The following ASB18 variants were observed in gnomAD, a reference collection of about 807,000 sequenced individuals.
The protein encoded by ASB18 is ankyrin repeat and SOCS box containing 18.
Under a neutral mutation model 33.4 loss-of-function variants are expected in ASB18, and 33 were observed. The observed-to-expected ratio is 0.99, with a 90% CI of 0.75 to 1.32. The LOEUF is 1.32. Among genes scored for constraint, ASB18 ranks in the 40% most tolerant of loss-of-function variants. The pLI is 0.00. For synonymous variants in ASB18, 295 were observed against 307.6 expected (o/e 0.96, Z 0.43); for missense variants, 694 against 655.5 (o/e 1.06, Z -0.64).
chr2:236,221,380 C>A lies in ASB18; in HGVS notation c.597-6514G>T, dbSNP rs570183685. Among the ~76,000 whole-genome samples, 4 of 152,318 alleles carry A rather than the reference C, an allele frequency of 2.6e-5. No homozygotes were observed. In the East Asian group the frequency reaches 7.7e-4, roughly 29 times the overall value. On this transcript the variant is annotated intron_variant, in intron 3 of 5. Coordinates refer to ENST00000409749, the MANE Select transcript of ASB18 (RefSeq NM_212556.4). This position sits in a 1 kb window ranked among gnomAD's most constrained non-coding sequence, Gnocchi z 5.6. ...CTCATATGGTTTGGTTGTGTCCCCA[C>A]CCAAATCTCACCTTGAGTTTTACTC...
At chr2:236,206,191 T>G (rs11894606) in intron 4 of ASB18, among the ~76,000 whole-genome samples, 25,171 of 100,112 alleles carry the variant, frequency 0.25, 2,095 homozygotes, top group African/African-American at 0.38. Flanking sequence ...GTTTCTTGGG[T>G]TTTTTTTTTT....
intron 3 of ASB18, among the ~76,000 whole-genome samples, chr2:236,232,075 T>C (rs1392479564): frequency 6.6e-6 from 1 of 152,180 alleles, no homozygotes; most frequent in African/African-American, 2.4e-5. Context: ...CTAGTATACA[T>C]GAAACATTTA....
Position 236,263,466 on chromosome 2 carries a change from T to C in ASB18, c.205+675A>G, listed in dbSNP as rs927690146. Reference sequence around the variant, plus strand: ...TTACCAGTGATGCTCCTTGGTGAGGTTGTGGTGAAACACATCACCTCACTG... The same window carrying C: ...TTACCAGTGATGCTCCTTGGTGAGGCTGTGGTGAAACACATCACCTCACTG... On this transcript the variant is annotated intron_variant, in intron 1 of 5. Transcript: ENST00000409749. The surrounding 1 kb of genome is among the most constrained non-coding windows in gnomAD (Gnocchi z 4.0). 1.3e-5 allele frequency among the ~76,000 whole-genome samples: 2 copies of C among 152,212 alleles called. No homozygotes were observed. The highest frequency in any genetic ancestry group is 4.8e-5 in the African/African-American group (2 of 41,450).
chr2:236,194,038 C>A lies in ASB18; in HGVS notation c.*834G>T, dbSNP rs558224132. 6.6e-5 allele frequency among the ~76,000 whole-genome samples: 10 copies of A among 151,868 alleles called. No homozygotes were observed. The highest frequency in any genetic ancestry group is 1.3e-4 in the Non-Finnish European group (9 of 68,032). Reference sequence around the variant, plus strand: ...TGCTGGGGTGGACTCTGGCCACGCACGACCCTGAACTAGAATAAGCACATT... The same window carrying A: ...TGCTGGGGTGGACTCTGGCCACGCAAGACCCTGAACTAGAATAAGCACATT... On this transcript the variant is annotated 3_prime_UTR_variant, in exon 6 of 6. Transcript: ENST00000409749. The surrounding 1 kb of genome is among the most constrained non-coding windows in gnomAD (Gnocchi z 4.5).
chr2:236,210,123 G>A (rs1308006496), intron 4 of ASB18, among the ~76,000 whole-genome samples: 1 of 152,308 alleles, frequency 6.6e-6, no homozygotes, highest in South Asian at 2.1e-4. Flanking sequence ...TCTGATCCAC[G>A]TGACAGGCAG....
chr2:236,236,602 C>CG (rs1258008577), intron 3 of ASB18, among the ~76,000 whole-genome samples: 2 of 149,352 alleles, frequency 1.3e-5, no homozygotes, highest in Admixed American at 1.3e-4. Flanking sequence ...TCAAGACTGG[C>CG]GGGGGTCCAC....
At position 236,240,789 on chromosome 2, in the gene ASB18, C is replaced by T. The variant is rs147644958; in HGVS notation, c.328+491G>A. On this transcript the variant is annotated intron_variant, in intron 2 of 5. Coordinates refer to ENST00000409749, the MANE Select transcript of ASB18 (RefSeq NM_212556.4). Reference sequence around the variant, plus strand: ...TTTCCTTCCCCATTCTTGGGATTCCCCAGATTCCAGGAGGAGGATCTACAG... The same window carrying T: ...TTTCCTTCCCCATTCTTGGGATTCCTCAGATTCCAGGAGGAGGATCTACAG... 1.7e-3 allele frequency among the ~76,000 whole-genome samples: 263 copies of T among 152,332 alleles called. 1 individual carries two copies. The highest frequency in any genetic ancestry group is 6.2e-3 in the African/African-American group (257 of 41,576).
Position 236,237,334 on chromosome 2 carries a change from C to T in ASB18, c.596+355G>A, listed in dbSNP as rs1445830788. ...CTCGCAATCAAGCGCTAATTAAACC[C>T]GCGGGGGCCGGGGCCGGGGCGCGGG... On this transcript the variant is annotated intron_variant, in intron 3 of 5. Transcript: ENST00000409749. This position sits in a 1 kb window ranked among gnomAD's most constrained non-coding sequence, Gnocchi z 6.2. 5.8e-5 allele frequency among the ~76,000 whole-genome samples: 7 copies of T among 121,458 alleles called. No individual in the cohort carries two copies. The highest frequency in any genetic ancestry group is 1.8e-4 in the African/African-American group (7 of 38,062). The allele number at this position is 121,458 out of a possible 152,430, so 79.7% of individuals were successfully genotyped here.
chr2:236,217,897 G>A lies in ASB18; in HGVS notation c.597-3031C>T, dbSNP rs2106270479. Among the ~76,000 whole-genome samples, 1 of 152,306 alleles carries A rather than the reference G, an allele frequency of 6.6e-6. No homozygotes were observed. The highest frequency in any genetic ancestry group is 1.9e-4 in the East Asian group (1 of 5,194). The stretch of plus-strand genomic sequence containing the variant: ...TGCTTCCTATTTGCTTCTCTGGGAG[G>A]AATTTTGAACAGTGCAGCAGGACGT... On this transcript the variant is annotated intron_variant, in intron 3 of 5. Coordinates refer to ENST00000409749, the MANE Select transcript of ASB18 (RefSeq NM_212556.4). This position sits in a 1 kb window ranked among gnomAD's most constrained non-coding sequence, Gnocchi z 5.2.
In ASB18 at chr2:236,216,468, A is replaced by G. The variant is rs1295057480; in HGVS notation, c.597-1602T>C. ...CTAAGGAAGGCACTCCCTCTTGATC[A>G]TCTTGGCCCAGAGTTAGTCGTCTTT... On this transcript the variant is annotated intron_variant, in intron 3 of 5. Coordinates refer to ENST00000409749, the MANE Select transcript of ASB18 (RefSeq NM_212556.4). The surrounding 1 kb of genome is among the most constrained non-coding windows in gnomAD (Gnocchi z 6.1). Among the ~76,000 whole-genome samples, 5 of 152,098 alleles carry G rather than the reference A, an allele frequency of 3.3e-5. No homozygotes were observed. The highest frequency in any genetic ancestry group is 3.3e-4 in the Admixed American group (5 of 15,282).
rs866968677 is a variant in ASB18 at position 236,245,236 on chromosome 2, G to A, written c.206-3834C>T. Among the ~76,000 whole-genome samples, 1 of 152,226 alleles carries A rather than the reference G, an allele frequency of 6.6e-6. No homozygotes were observed. Among genetic ancestry groups the A allele is most frequent in the African/African-American group, 2.4e-5 (1 of 41,452 alleles). Reference sequence around the variant, plus strand: ...TTGGGCTTAGCTCTTGTGGGGTCAGGGCTAGCTGCCCTTGGGGGCTGCTGC... The same window carrying A: ...TTGGGCTTAGCTCTTGTGGGGTCAGAGCTAGCTGCCCTTGGGGGCTGCTGC... On this transcript the variant is annotated intron_variant, in intron 1 of 5. Transcript: ENST00000409749. The surrounding 1 kb of genome is among the most constrained non-coding windows in gnomAD (Gnocchi z 4.7).
At chr2:236,210,758 G>C (rs1311899764) in intron 4 of ASB18, among the ~76,000 whole-genome samples, 5 of 152,204 alleles carry the variant, frequency 3.3e-5, no homozygotes, top group African/African-American at 1.2e-4. Flanking sequence ...AGCTGGCCAT[G>C]TAAACTGAGC....
rs2060579641 is a variant in ASB18, at chr2:236,234,389, A to C, written c.596+3300T>G. On this transcript the variant is annotated intron_variant, in intron 3 of 5. Transcript: ENST00000409749. This position sits in a 1 kb window ranked among gnomAD's most constrained non-coding sequence, Gnocchi z 4.1. ...CTCTGATCTAGGCATGGCTGCTCAGAAATGGGGTATTCTTCAATTTGTGTT... is the reference window on the plus strand; with the variant it reads ...CTCTGATCTAGGCATGGCTGCTCAGCAATGGGGTATTCTTCAATTTGTGTT... Among the ~76,000 whole-genome samples, 1 of 152,176 alleles carries C rather than the reference A, an allele frequency of 6.6e-6. No individual in the cohort carries two copies.
Position 236,245,157 on chromosome 2 carries a change from A to G in ASB18, c.206-3755T>C, listed in dbSNP as rs1221218684. ...GGGGGCCGTAGGTTTATTTTTTACC[A>G]TGTTTATCTGACCTCTGGGCAAAGG... On this transcript the variant is annotated intron_variant, in intron 1 of 5. Coordinates refer to ENST00000409749, the MANE Select transcript of ASB18 (RefSeq NM_212556.4). This position sits in a 1 kb window ranked among gnomAD's most constrained non-coding sequence, Gnocchi z 4.7. 2.0e-5 allele frequency among the ~76,000 whole-genome samples: 3 copies of G among 152,192 alleles called. No individual in the cohort carries two copies. The highest frequency in any genetic ancestry group is 3.4e-3 in the Middle Eastern group (1 of 292).
Position 236,229,430 on chromosome 2 carries a change from G to A in ASB18, c.596+8259C>T, listed in dbSNP as rs1442728744. On this transcript the variant is annotated intron_variant, in intron 3 of 5. Transcript: ENST00000409749. The surrounding 1 kb of genome is among the most constrained non-coding windows in gnomAD (Gnocchi z 5.2). Reference sequence around the variant, plus strand: ...GTATAATTGGAGTCCCTGAAGGAGAGTACTGGTTGTATAGAAAAAAAATGT... The same window carrying A: ...GTATAATTGGAGTCCCTGAAGGAGAATACTGGTTGTATAGAAAAAAAATGT... Among the ~76,000 whole-genome samples the A allele has an allele frequency of 6.6e-6, 1 of 152,014 alleles. No homozygotes were observed. Among genetic ancestry groups the A allele is most frequent in the East Asian group, 1.9e-4 (1 of 5,182 alleles).
At chr2:236,202,444 G>C (rs1201423472) in intron 4 of ASB18, among the ~76,000 whole-genome samples, 1 of 151,668 alleles carries the variant, frequency 6.6e-6, no homozygotes, top group Non-Finnish European at 1.5e-5. Flanking sequence ...GTACATGTTT[G>C]TATTTTCTTT....
intron 4 of ASB18, among the ~76,000 whole-genome samples, chr2:236,202,040 C>G (rs1047140642): frequency 1.3e-5 from 2 of 152,040 alleles, no homozygotes; most frequent in African/African-American, 4.8e-5. Context: ...ACCTCCATCT[C>G]CTGGGTTCAA....
Position 236,217,744 on chromosome 2 carries a change from C to T in ASB18, c.597-2878G>A, listed in dbSNP as rs970921647. On this transcript the variant is annotated intron_variant, in intron 3 of 5. Coordinates refer to ENST00000409749, the MANE Select transcript of ASB18 (RefSeq NM_212556.4). This position sits in a 1 kb window ranked among gnomAD's most constrained non-coding sequence, Gnocchi z 5.2. ...TTGGATTGTCTCGTTTCTACATCAGCAGTGTCTTGAGAAGTGGTCTGTCTT... is the reference window on the plus strand; with the variant it reads ...TTGGATTGTCTCGTTTCTACATCAGTAGTGTCTTGAGAAGTGGTCTGTCTT... 1.3e-5 allele frequency among the ~76,000 whole-genome samples: 2 copies of T among 152,154 alleles called. No individual in the cohort carries two copies. Among genetic ancestry groups the T allele is most frequent in the Non-Finnish European group, 2.9e-5 (2 of 68,028 alleles).
chr2:236,231,255 C>T lies in ASB18; in HGVS notation c.596+6434G>A, dbSNP rs2060563448. Among the ~76,000 whole-genome samples, 1 of 152,180 alleles carries T rather than the reference C, an allele frequency of 6.6e-6. No individual in the cohort carries two copies. Among genetic ancestry groups the T allele is most frequent in the African/African-American group, 2.4e-5 (1 of 41,442 alleles). ...TTGCATACTTTGATGAAACAAGTTT[C>T]ATGTTAGAGAGGTCCACATGACAAG... On this transcript the variant is annotated intron_variant, in intron 3 of 5. Transcript: ENST00000409749. The surrounding 1 kb of genome is among the most constrained non-coding windows in gnomAD (Gnocchi z 5.5).
Sources: gnomAD v4.1 joint callset for allele counts (sites outside exome capture counted in the v4.1 genomes callset) on GRCh38, gnomAD v4.1.1 for gene constraint, Gnocchi (gnomAD v3.1) non-coding constraint, MANE v1.5 for transcripts, NCBI Gene and HGNC (gene_info 2026-07-23, HGNC 2026-07-21) for gene names.